ERBB4: variants seen among roughly 807,000 people sequenced by gnomAD.
ERBB4 encodes receptor tyrosine-protein kinase erbB-4.
In ERBB4, 42 loss-of-function variants were observed where a neutral mutation model predicts 158.0. That is an observed-to-expected ratio of 0.27 (90% CI 0.21 to 0.34). The LOEUF (loss-of-function observed/expected upper bound fraction) is 0.34. Ranked by LOEUF, ERBB4 falls within the 10% of genes least tolerant of loss-of-function variation. ERBB4 has a pLI of 1.00. For synonymous variants in ERBB4, 583 were observed against 558.7 expected (o/e 1.04, Z -0.61); for missense variants, 1,333 against 1,624.1 (o/e 0.82, Z 3.08).
chr2:212,278,603 T>A (rs950125133), intron 1 of ERBB4, among the ~76,000 whole-genome samples: 1 of 151,632 alleles, frequency 6.6e-6, no homozygotes, highest in Admixed American at 6.6e-5. Flanking sequence ...AACTCTTCTA[T>A]GCAAAAGCAC....
chr2:211,857,558 T>C (rs555713775), intron 3 of ERBB4, among the ~76,000 whole-genome samples: 3 of 152,132 alleles, frequency 2.0e-5, no homozygotes, highest in Non-Finnish European at 2.9e-5. Flanking sequence ...AATCAAAACA[T>C]AAAAATACAA....
intron 1 of ERBB4, among the ~76,000 whole-genome samples, chr2:212,471,647 C>T (rs755666340): frequency 5.9e-5 from 9 of 151,832 alleles, no homozygotes; most frequent in Non-Finnish European, 8.9e-5. Context: ...TAAATGAAAA[C>T]GCACAACTTT....
chr2:212,191,826 C>CTA (rs142451828), intron 1 of ERBB4, among the ~76,000 whole-genome samples: 24,237 of 135,244 alleles, frequency 0.18, 2,623 homozygotes, highest in Non-Finnish European at 0.21. Context: ...TATATATGTT[C>CTA]TATGTTATAT....
At chr2:212,095,342 G>A (rs930669152) in intron 2 of ERBB4, among the ~76,000 whole-genome samples, 2 of 151,964 alleles carry the variant, frequency 1.3e-5, no homozygotes, top group Non-Finnish European at 2.9e-5. Flanking sequence ...GCTTTCTCCC[G>A]GGATCCATTT....
At position 212,177,558 on chromosome 2, in the gene ERBB4, T is replaced by C. The variant is rs995790481; in HGVS notation, c.83-52655A>G. Among the ~76,000 whole-genome samples, 25 of 151,928 alleles carry C rather than the reference T, an allele frequency of 1.6e-4. 1 individual carries two copies. Among genetic ancestry groups the C allele is most frequent in the Non-Finnish European group, 2.9e-5 (2 of 67,908 alleles). The stretch of plus-strand genomic sequence containing the variant: ...GAGATATAAACCATCCCCTACTCTC[T>C]ACTCCTTTTTCCCTTAATACAAGCT... On this transcript the variant is annotated intron_variant, in intron 1 of 27. Coordinates refer to ENST00000342788, the MANE Select transcript of ERBB4 (RefSeq NM_005235.3).
intron 1 of ERBB4, among the ~76,000 whole-genome samples, chr2:212,398,102 ATGTGTGTGTG>A (rs143581724): frequency 1.7e-4 from 25 of 149,680 alleles, no homozygotes; most frequent in African/African-American, 4.9e-4. Flanking sequence ...ATACATATAT[ATGTGTGTGTG>A]TGTGTGTGTG....
intron 19 of ERBB4, among the ~76,000 whole-genome samples, chr2:211,588,698 A>C (rs2068366312): frequency 6.6e-6 from 1 of 152,142 alleles, no homozygotes; most frequent in African/African-American, 2.4e-5. Flanking sequence ...AGTGGAGCTG[A>C]AATTCTAACC....
At chr2:211,803,683 A>G (rs891367723) in intron 3 of ERBB4, among the ~76,000 whole-genome samples, 4 of 152,240 alleles carry the variant, frequency 2.6e-5, no homozygotes, top group African/African-American at 9.6e-5. Context: ...ACACTCTTCT[A>G]TGCAAAGCAC....
In ERBB4 at chr2:211,624,001, G is replaced by A. The variant is rs755916651; in HGVS notation, c.2123C>T (p.Ala708Val). The change falls in exon 18 of 28, where the codon GCT becomes GTT. Residue 708 changes from alanine to valine, a missense_variant. Around this residue, in one of 5 missense-constraint regions of ERBB4, gnomAD observed 314 missense variants for 437.6 expected, o/e 0.72. Coordinates refer to ENST00000342788, the MANE Select transcript of ERBB4 (RefSeq NM_005235.3). ...LTPSGTAPNQ[A>V]QLRILKETEL... Reference sequence around the variant, plus strand: ...AGTTTCTTTCAAAATACGAAGTTGAGCTTGATTGGGTGCTGTGCCACTGGG... The same window carrying A: ...AGTTTCTTTCAAAATACGAAGTTGAACTTGATTGGGTGCTGTGCCACTGGG... 2 of 1,614,072 alleles carry A rather than the reference G, an allele frequency of 1.2e-6. No homozygotes were observed. The highest frequency in any genetic ancestry group is 3.3e-5 in the Admixed American group (2 of 60,022).
rs1223894646 is a variant in ERBB4 at position 211,953,356 on chromosome 2, A to T, written c.235-5740T>A. Among the ~76,000 whole-genome samples the T allele has an allele frequency of 2.0e-5, 3 of 151,822 alleles. No individual in the cohort carries two copies. In the East Asian group the frequency reaches 5.8e-4, roughly 29 times the overall value. ...TATGTAACAAAACTGCACGTTCTGCATATGTACCCCAGAACTTAAAGTATA... is the reference window on the plus strand; with the variant it reads ...TATGTAACAAAACTGCACGTTCTGCTTATGTACCCCAGAACTTAAAGTATA... On this transcript the variant is annotated intron_variant, in intron 2 of 27. Coordinates refer to ENST00000342788, the MANE Select transcript of ERBB4 (RefSeq NM_005235.3).
intron 1 of ERBB4, among the ~76,000 whole-genome samples, chr2:212,143,951 A>G (rs55760492): frequency 0.035 from 5,265 of 151,844 alleles, 226 homozygotes; most frequent in African/African-American, 0.098. Context: ...CCCAGGTGGC[A>G]GAGTTTGCAG....
intron 19 of ERBB4, among the ~76,000 whole-genome samples, chr2:211,571,035 C>CTCTTTT (rs1553571913): frequency 1.2e-5 from 1 of 81,216 alleles, no homozygotes; most frequent in African/African-American, 5.2e-5. Context: ...TCTGAGTACT[C>CTCTTTT]TTCTTCTTTT....
At chr2:211,682,519 C>T (rs13398913) in intron 12 of ERBB4, among the ~76,000 whole-genome samples, 53,776 of 151,966 alleles carry the variant, frequency 0.35, 10,644 homozygotes, top group Middle Eastern at 0.5. Flanking sequence ...GGTCAACCCA[C>T]TCCCCAGTTA....
chr2:211,581,260 C>T (rs1409577904), intron 19 of ERBB4, among the ~76,000 whole-genome samples: 1 of 150,840 alleles, frequency 6.6e-6, no homozygotes, highest in African/African-American at 2.4e-5. Context: ...CCCCCAATAA[C>T]CTATGGAAAT....
chr2:212,198,439 A>C (rs929423996), intron 1 of ERBB4, among the ~76,000 whole-genome samples: 3 of 152,192 alleles, frequency 2.0e-5, no homozygotes, highest in Non-Finnish European at 4.4e-5. Context: ...AGACTATTCC[A>C]GGTAACCTCA....
At position 211,383,541 on chromosome 2, in the gene ERBB4, A is replaced by G. The variant is rs955066264; in HGVS notation, c.*74T>C. 7.9e-7 allele frequency: 1 copy of G among 1,258,214 alleles called. No homozygotes were observed. Among genetic ancestry groups the G allele is most frequent in the African/African-American group, 1.5e-5 (1 of 67,928 alleles). 77.9% of individuals were successfully genotyped at this position (1,258,214 alleles called of 1,614,324 possible). A position where few individuals can be genotyped will look rare whatever the true frequency, so the allele number is the denominator to read the frequency against. On this transcript the variant is annotated 3_prime_UTR_variant, in exon 28 of 28. Transcript: ENST00000342788. ...CTACTGGCCTTGGGGTAGAAGGAAG[A>G]CCACCAGAGAAAGAGAGGGGGGTGG...
intron 20 of ERBB4, among the ~76,000 whole-genome samples, chr2:211,518,827 T>A: frequency 6.6e-6 from 1 of 152,178 alleles, no homozygotes; most frequent in East Asian, 1.9e-4. Flanking sequence ...GGGGTTTTTT[T>A]GTCAGGCTTA....
chr2:211,897,542 T>C lies in ERBB4; in HGVS notation c.421+49888A>G, dbSNP rs1222760306. Among the ~76,000 whole-genome samples the C allele has an allele frequency of 3.3e-5, 5 of 152,200 alleles. No homozygotes were observed. The East Asian group carries it at 9.7e-4, about 29-fold the overall frequency. ...GCAAAATTAGATTCATATACCCACTTTGTTTCCTGTGCTGGAGCCTCTGAA... is the reference window on the plus strand; with the variant it reads ...GCAAAATTAGATTCATATACCCACTCTGTTTCCTGTGCTGGAGCCTCTGAA... On this transcript the variant is annotated intron_variant, in intron 3 of 27. Coordinates refer to ENST00000342788, the MANE Select transcript of ERBB4 (RefSeq NM_005235.3).
At chr2:211,548,927 C>T (rs928900766) in intron 20 of ERBB4, among the ~76,000 whole-genome samples, 2 of 152,122 alleles carry the variant, frequency 1.3e-5, no homozygotes, top group African/African-American at 4.8e-5. Flanking sequence ...CTCCTTCCTG[C>T]ACCAACATTT....
Sources: gnomAD v4.1 joint callset for allele counts (sites outside exome capture counted in the v4.1 genomes callset) on GRCh38, gnomAD v4.1.1 for gene constraint, gnomAD v4.1.1 regional missense constraint, MANE v1.5 for transcripts, NCBI Gene and HGNC (gene_info 2026-07-23, HGNC 2026-07-21) for gene names.